Variants in PIPOX observed in about 807,000 individuals in gnomAD.
PIPOX encodes pipecolic acid and sarcosine oxidase, also known as peroxisomal sarcosine oxidase.
In PIPOX, 45 loss-of-function variants were observed where a neutral mutation model predicts 47.9. That is an observed-to-expected ratio of 0.94 (90% CI 0.74 to 1.20). The LOEUF (loss-of-function observed/expected upper bound fraction) is 1.20, where lower values mean the gene tolerates loss of function less well. Among genes scored for constraint, PIPOX ranks in the 50% most tolerant of loss-of-function variants. The probability of loss-of-function intolerance (pLI) is 0.00; values close to 1 mark genes in which losing one functional copy is unlikely to be tolerated. For missense variants in PIPOX, 458 were observed against 498.4 expected, an observed-to-expected ratio of 0.92 and a Z score of 0.77; for synonymous variants, 165 against 191.3, an observed-to-expected ratio of 0.86 and a Z score of 1.13.
chr17:29,047,238 C>T (rs573117712), intron 2 of PIPOX, among the ~76,000 whole-genome samples: 44 of 151,956 alleles, frequency 2.9e-4, no homozygotes, highest in African/African-American at 9.7e-4. Context: ...TGCAGTGAGC[C>T]GAGATCACGC....
At chr17:29,046,766 G>A (rs764033704) in intron 2 of PIPOX, 27 of 985,046 alleles carry the variant, frequency 2.7e-5, no homozygotes, top group South Asian at 9.4e-5. Context: ...GAATTTGGAC[G>A]GGCTTTGGAA....
At chr17:29,051,573 G>C (rs891398123) in intron 2 of PIPOX, among the ~76,000 whole-genome samples, 12 of 152,232 alleles carry the variant, frequency 7.9e-5, no homozygotes, top group African/African-American at 2.9e-4. Flanking sequence ...CCAAAGGCCA[G>C]AGTGACTCTT....
Position 29,052,872 on chromosome 17 carries a change from C to T in PIPOX, c.264-48C>T, listed in dbSNP as rs377089530. ...ACAGGCGTGAGTCGTCACATCAGGC[C>T]CAGGATTTTGAAACACACCTTCACC... On this transcript the variant is annotated intron_variant, in intron 2 of 7. Coordinates refer to ENST00000323372, the MANE Select transcript of PIPOX (RefSeq NM_016518.3). 48 of 1,554,902 alleles carry T rather than the reference C, an allele frequency of 3.1e-5. No individual in the cohort carries two copies. The African/African-American group carries it at 6.0e-4, about 19-fold the overall frequency.
chr17:29,049,020 C>T (rs1045855153), intron 2 of PIPOX, among the ~76,000 whole-genome samples: 1 of 152,188 alleles, frequency 6.6e-6, no homozygotes, highest in Non-Finnish European at 1.5e-5. Context: ...ATCCTACACC[C>T]TGTCCTGCTA....
chr17:29,050,754 G>T (rs550138420), intron 2 of PIPOX, among the ~76,000 whole-genome samples: 1 of 151,576 alleles, frequency 6.6e-6, no homozygotes, highest in African/African-American at 2.4e-5. Context: ...GGAGGAGCTC[G>T]CTTGCGGCTG....
At position 29,054,582 on chromosome 17, in the gene PIPOX, T is replaced by A; in HGVS notation, c.698T>A (p.Val233Asp). 1 of 1,614,204 alleles carries A rather than the reference T, an allele frequency of 6.2e-7. No individual in the cohort carries two copies. The highest frequency in any genetic ancestry group is 1.1e-5 in the South Asian group (1 of 91,082). Residue 233 changes from valine (V) to aspartate (D), a missense_variant, in exon 5 of 8, where the codon GTT becomes GAT. Transcript: ENST00000323372. Reference sequence around the variant, plus strand: ...AACGTGTGTTACTGGCGAGAGATGGTTCCTGGGAGCTATGGTGTGTCCCAG... The same window carrying A: ...AACGTGTGTTACTGGCGAGAGATGGATCCTGGGAGCTATGGTGTGTCCCAG... ...RINVCYWREM[V>D]PGSYGVSQAF...
At chr17:29,048,816 T>A (rs1370975032) in intron 2 of PIPOX, among the ~76,000 whole-genome samples, 1 of 152,236 alleles carries the variant, frequency 6.6e-6, no homozygotes, top group African/African-American at 2.4e-5. Context: ...GAACGGAAGA[T>A]GAAATGCCTA....
At position 29,053,083 on chromosome 17, in the gene PIPOX, G is replaced by A. The variant is rs141292698; in HGVS notation, c.427G>A (p.Asp143Asn). ...RLPRGEVGLLDNSGGVIYAYK... is the reference protein window; with the variant it reads ...RLPRGEVGLLNNSGGVIYAYK... ...GCCCAGGGGAGAAGTGGGGCTCTTG[G>A]ACAATTCCGGAGGAGTTATCTATGC... is the stretch of plus-strand genomic sequence containing the variant. The change falls in exon 3 of 8, where the codon GAC becomes AAC. Residue 143 changes from aspartate (D) to asparagine (N), a missense_variant. By Grantham distance (23) the Asp-to-Asn change is conservative (BLOSUM62 1). Transcript: ENST00000323372. 34 of 1,614,210 alleles carry A rather than the reference G, an allele frequency of 2.1e-5. No homozygotes were observed. The East Asian group carries it at 6.9e-4, about 33-fold the overall frequency.
intron 2 of PIPOX, among the ~76,000 whole-genome samples, chr17:29,048,554 C>T (rs961117339): frequency 5.9e-5 from 9 of 152,208 alleles, no homozygotes; most frequent in Admixed American, 5.9e-4. Context: ...AACAGCAAAA[C>T]CCAGCTCCCT....
intron 2 of PIPOX, among the ~76,000 whole-genome samples, chr17:29,051,448 T>G (rs939356240): frequency 6.6e-6 from 1 of 152,082 alleles, no homozygotes; most frequent in Non-Finnish European, 1.5e-5. Flanking sequence ...GCATGTAATA[T>G]CCATGAGACT....
chr17:29,055,767 T>C (rs2152699043), intron 6 of PIPOX, 46 bp from the exon 7 acceptor site: 1 of 1,493,514 alleles, frequency 6.7e-7, no homozygotes, highest in East Asian at 2.3e-5. Context: ...GTTCTTTCTC[T>C]TCCCTCGAGC....
In PIPOX at chr17:29,056,413, C is replaced by A; in HGVS notation, c.*108C>A. 1 of 1,294,866 alleles carries A rather than the reference C, an allele frequency of 7.7e-7. No individual in the cohort carries two copies. Among genetic ancestry groups the A allele is most frequent in the Non-Finnish European group, 1.1e-6 (1 of 923,904 alleles). The allele number at this position is 1,294,866 out of a possible 1,614,324, so 80.2% of individuals were successfully genotyped here. On this transcript the variant is annotated 3_prime_UTR_variant, in exon 8 of 8. Coordinates refer to ENST00000323372, the MANE Select transcript of PIPOX (RefSeq NM_016518.3). ...GAGATATCATCCTTTTCTTCTGCCTCGCCTGAATCCCCCATAAACACCAGA... is the reference window on the plus strand; with the variant it reads ...GAGATATCATCCTTTTCTTCTGCCTAGCCTGAATCCCCCATAAACACCAGA...
intron 2 of PIPOX, 89 bp from the exon 3 acceptor site, chr17:29,052,831 C>CT: frequency 8.9e-7 from 1 of 1,127,058 alleles, no homozygotes; most frequent in South Asian, 1.3e-5. Flanking sequence ...CCTCAGCCTC[C>CT]TGAAGTGCTG....
At chr17:29,048,656 C>T (rs934132671) in intron 2 of PIPOX, among the ~76,000 whole-genome samples, 1 of 152,248 alleles carries the variant, frequency 6.6e-6, no homozygotes, top group African/African-American at 2.4e-5. Flanking sequence ...CAGTATCAGA[C>T]AAGATCACAG....
rs1275881953 is a variant in PIPOX at position 29,056,616 on chromosome 17, C to T, written c.*311C>T. 8 of 420,542 alleles carry T rather than the reference C, an allele frequency of 1.9e-5. No individual in the cohort carries two copies. The highest frequency in any genetic ancestry group is 1.3e-4 in the South Asian group (4 of 30,824). The allele number at this position is 420,542 out of a possible 1,614,324, so 26.1% of individuals were successfully genotyped here. On this transcript the variant is annotated 3_prime_UTR_variant, in exon 8 of 8. Coordinates refer to ENST00000323372, the MANE Select transcript of PIPOX (RefSeq NM_016518.3). ...TTCTACAATCACAGAGTAGCAAGGACGTTTGAGATGGGTATATCAGTAAGA... is the reference window on the plus strand; with the variant it reads ...TTCTACAATCACAGAGTAGCAAGGATGTTTGAGATGGGTATATCAGTAAGA...
rs59723937 is a variant in PIPOX at position 29,056,808 on chromosome 17, AC to A, written c.*506del. The A allele has an allele frequency of 0.019, 2,896 of 155,306 alleles. 67 individuals carry two copies. Among genetic ancestry groups the A allele is most frequent in the African/African-American group, 0.065 (2,701 of 41,508 alleles). The allele number at this position is 155,306 out of a possible 1,614,324, so 9.6% of individuals were successfully genotyped here. ...AGACCAGCCTGGCCAACATGGTGAA[AC>A]CCTATCTCCACTAAAAATACAAAAT... On this transcript the variant is annotated 3_prime_UTR_variant, in exon 8 of 8. Transcript: ENST00000323372.
chr17:29,046,822 G>A (rs2152698260), intron 2 of PIPOX: 1 of 923,322 alleles, frequency 1.1e-6, no homozygotes, highest in African/African-American at 1.8e-5. Flanking sequence ...CAGCTGTGTG[G>A]TTTGGAACGA....
intron 3 of PIPOX, 117 bp from the exon 4 acceptor site, chr17:29,053,296 C>A: frequency 8.2e-7 from 1 of 1,225,864 alleles, no homozygotes; most frequent in Non-Finnish European, 1.2e-6. Context: ...CTGGCCTTGT[C>A]AATACAGGAC....
chr17:29,051,957 G>A lies in PIPOX; in HGVS notation c.264-963G>A, dbSNP rs922177097. On this transcript the variant is annotated intron_variant, in intron 2 of 7. Coordinates refer to ENST00000323372, the MANE Select transcript of PIPOX (RefSeq NM_016518.3). ...GAGTGGGCGGTACCACCCTGGTGTGGAACCATCAGTTGTTCAACAGGCACG... is the reference window on the plus strand; with the variant it reads ...GAGTGGGCGGTACCACCCTGGTGTGAAACCATCAGTTGTTCAACAGGCACG... The A allele has an allele frequency of 3.6e-5, 17 of 470,806 alleles. No individual in the cohort carries two copies. The Admixed American group carries it at 4.0e-4, about 11-fold the overall frequency. 29.2% of individuals were successfully genotyped at this position (470,806 alleles called of 1,614,324 possible).
Sources: allele counts gnomAD v4.1 joint callset (sites outside exome capture counted in the v4.1 genomes callset), GRCh38; gene constraint gnomAD v4.1.1; transcripts MANE v1.5; gene names NCBI Gene and HGNC (gene_info 2026-07-23, HGNC 2026-07-21).